CCDC91: variants seen among roughly 807,000 people sequenced by gnomAD.
CCDC91 encodes coiled-coil domain containing 91.
Under a neutral mutation model 63.2 loss-of-function variants are expected in CCDC91, and 48 were observed. The observed-to-expected ratio is 0.76, with a 90% CI of 0.60 to 0.97. CCDC91 has a LOEUF of 0.97. Among genes scored for constraint, CCDC91 ranks in the 50% least tolerant of loss-of-function variants. The probability of loss-of-function intolerance (pLI) is 0.00; values close to 1 mark genes in which losing one functional copy is unlikely to be tolerated. For synonymous variants in CCDC91, 167 were observed against 165.8 expected, an observed-to-expected ratio of 1.01 and a Z score of -0.06; for missense variants, 500 against 494.6, an observed-to-expected ratio of 1.01 and a Z score of -0.10.
chr12:28,538,281 G>A (rs1420003859), intron 12 of CCDC91, among the ~76,000 whole-genome samples: 2 of 105,280 alleles, frequency 1.9e-5, no homozygotes, highest in Non-Finnish European at 3.5e-5. Flanking sequence ...AACAGGCCCC[G>A]GTGTGTGATG....
rs528456262 is a variant in CCDC91 at position 28,222,794 on chromosome 12, C to T, written c.-15+32153C>T. Among the ~76,000 whole-genome samples the T allele has an allele frequency of 6.4e-4, 98 of 152,162 alleles. 1 individual carries two copies. Among genetic ancestry groups the T allele is most frequent in the South Asian group, 1.2e-3 (6 of 4,820 alleles). ...TCATCCTTGGCATTATTATCCTTTT[C>T]GTTGTGTTGGAACTATATAAGATAG... On this transcript the variant is annotated intron_variant, in intron 1 of 12. Coordinates refer to ENST00000536442, the MANE Select transcript of CCDC91 (RefSeq NM_018318.5).
intron 11 of CCDC91, among the ~76,000 whole-genome samples, chr12:28,466,105 T>C (rs1456158215): frequency 6.6e-6 from 1 of 152,132 alleles, no homozygotes; most frequent in Non-Finnish European, 1.5e-5. Context: ...GACAGGCTAT[T>C]TAATAGCAGA....
intron 6 of CCDC91, chr12:28,319,277 T>G (rs1157118890): frequency 6.6e-6 from 1 of 151,946 alleles, no homozygotes; most frequent in Non-Finnish European, 1.5e-5. Context: ...CAAATTAGCA[T>G]CATTAAACAG....
Position 28,549,110 on chromosome 12 carries a change from C to T in CCDC91, c.1263C>T (p.Phe421=), listed in dbSNP as rs1225914205. 6.2e-7 allele frequency: 1 copy of T among 1,612,756 alleles called. No homozygotes were observed. ...RQRSLSSLEL[F]LSCAQKQLSA... ...GAAGCCTGTCCAGTTTGGAACTGTT[C>T]CTCTCCTGTGCACAGAAACAGTTAA... Residue 421 remains phenylalanine, a synonymous_variant, in exon 13 of 13, where the codon TTC becomes TTT. Coordinates refer to ENST00000536442, the MANE Select transcript of CCDC91 (RefSeq NM_018318.5).
At chr12:28,512,881 ATTAG>A (rs1040731172) in intron 12 of CCDC91, among the ~76,000 whole-genome samples, 1 of 151,920 alleles carries the variant, frequency 6.6e-6, no homozygotes, top group Non-Finnish European at 1.5e-5. Context: ...TAGAGAACTG[ATTAG>A]TTAAGTATGT....
At chr12:28,395,460 T>C (rs760153031) in intron 8 of CCDC91, among the ~76,000 whole-genome samples, 16 of 152,218 alleles carry the variant, frequency 1.1e-4, no homozygotes, top group Non-Finnish European at 1.6e-4. Flanking sequence ...TACAGTGTTA[T>C]GAGTTTCCAC....
intron 6 of CCDC91, among the ~76,000 whole-genome samples, chr12:28,341,395 C>T (rs1247307548): frequency 6.6e-6 from 1 of 152,160 alleles, no homozygotes; most frequent in African/African-American, 2.4e-5. Flanking sequence ...CGGCCCCCCT[C>T]CCATATCATC....
At chr12:28,319,192 CA>C (rs1261995629) in intron 6 of CCDC91, 2 of 151,692 alleles carry the variant, frequency 1.3e-5, no homozygotes, top group African/African-American at 2.4e-5. Context: ...TGAATTTAAG[CA>C]AATAAACTTC....
intron 12 of CCDC91, among the ~76,000 whole-genome samples, chr12:28,541,443 A>T (rs1029201230): frequency 1.3e-5 from 2 of 152,138 alleles, no homozygotes; most frequent in Admixed American, 6.6e-5. Flanking sequence ...CTTAAAGGTC[A>T]TCTAACTTCT....
At chr12:28,257,122 G>C in intron 1 of CCDC91, 80 bp from the exon 2 acceptor site, 1 of 812,860 alleles carries the variant, frequency 1.2e-6, no homozygotes, top group South Asian at 1.5e-5. Flanking sequence ...AAATAAATAT[G>C]TATACATTTA....
At chr12:28,453,081 T>C (rs1019391534) in intron 11 of CCDC91, among the ~76,000 whole-genome samples, 6 of 151,888 alleles carry the variant, frequency 4.0e-5, no homozygotes, top group African/African-American at 1.4e-4. Context: ...AATTTGTAAA[T>C]CTCTATACCT....
At chr12:28,410,167 G>T (rs1475877359) in intron 8 of CCDC91, among the ~76,000 whole-genome samples, 3 of 152,034 alleles carry the variant, frequency 2.0e-5, no homozygotes, top group Admixed American at 6.6e-5. Context: ...AGTTCTCCTT[G>T]CTGCTCTGAT....
intron 11 of CCDC91, among the ~76,000 whole-genome samples, chr12:28,453,797 A>G (rs1328550504): frequency 1.3e-5 from 2 of 152,140 alleles, no homozygotes; most frequent in African/African-American, 2.4e-5. Flanking sequence ...TTCACTGGCT[A>G]AGTTCTTATT....
At chr12:28,363,641 C>T (rs541871670) in intron 7 of CCDC91, among the ~76,000 whole-genome samples, 24 of 151,912 alleles carry the variant, frequency 1.6e-4, no homozygotes, top group Middle Eastern at 3.4e-3. Context: ...CCCAGCACTT[C>T]GGGAGGCCGA....
intron 8 of CCDC91, among the ~76,000 whole-genome samples, chr12:28,435,034 G>T (rs1162111497): frequency 6.6e-6 from 1 of 151,436 alleles, no homozygotes; most frequent in Admixed American, 6.6e-5. Context: ...TCCTTGGTTA[G>T]CCTGGCTAGA....
intron 11 of CCDC91, among the ~76,000 whole-genome samples, chr12:28,480,246 T>C (rs935040739): frequency 4.6e-5 from 7 of 152,008 alleles, no homozygotes; most frequent in Non-Finnish European, 1.0e-4. Flanking sequence ...ATGAAACACC[T>C]ATTAAACCTC....
chr12:28,513,323 A>G (rs534845157), intron 12 of CCDC91, among the ~76,000 whole-genome samples: 2 of 152,026 alleles, frequency 1.3e-5, no homozygotes, highest in South Asian at 2.1e-4. Flanking sequence ...ATGGCACATT[A>G]TAAGTGTTCA....
intron 6 of CCDC91, among the ~76,000 whole-genome samples, chr12:28,349,021 G>A (rs1212210293): frequency 1.3e-5 from 2 of 152,136 alleles, no homozygotes; most frequent in African/African-American, 4.8e-5. Flanking sequence ...ACCATGACTG[G>A]CAATCTTATT....
chr12:28,441,655 GTA>G (rs1216555934), intron 8 of CCDC91, among the ~76,000 whole-genome samples: 5 of 144,298 alleles, frequency 3.5e-5, no homozygotes, highest in Admixed American at 2.1e-4. Context: ...TCTCATATGT[GTA>G]TATATATATA....
Sources: allele counts gnomAD v4.1 joint callset (sites outside exome capture counted in the v4.1 genomes callset), GRCh38; gene constraint gnomAD v4.1.1; transcripts MANE v1.5; gene names NCBI Gene and HGNC (gene_info 2026-07-23, HGNC 2026-07-21).